The following PCDH15 variants were observed in gnomAD, a reference collection of about 807,000 sequenced individuals.
PCDH15 encodes protocadherin-15.
Under a neutral mutation model 178.5 loss-of-function variants are expected in PCDH15, and 129 were observed. The ratio of observed to expected loss-of-function variants is 0.72; its 90% CI spans 0.63 to 0.84. The LOEUF (loss-of-function observed/expected upper bound fraction) is 0.84. PCDH15 is among the 40% of genes least tolerant of loss of function. The probability of loss-of-function intolerance (pLI) is 0.00; values close to 1 mark genes in which losing one functional copy is unlikely to be tolerated. For missense variants in PCDH15, 2,230 were observed against 2,099.9 expected (o/e 1.06, Z -1.21); for synonymous variants, 800 against 732.0 (o/e 1.09, Z -1.50).
intron 2 of PCDH15, among the ~76,000 whole-genome samples, chr10:55,504,758 G>A (rs1485571841): frequency 6.6e-6 from 1 of 151,104 alleles, no homozygotes; most frequent in Admixed American, 6.6e-5. Flanking sequence ...TATCTGTATT[G>A]TATCTTACAT....
At chr10:54,899,081 A>T (rs936494258) in intron 2 of PCDH15, among the ~76,000 whole-genome samples, 2 of 152,102 alleles carry the variant, frequency 1.3e-5, no homozygotes, top group Non-Finnish European at 2.9e-5. Context: ...ATTGCCATTT[A>T]AAAAAAGTAT....
chr10:54,491,254 T>C (rs934755393), intron 3 of PCDH15, among the ~76,000 whole-genome samples: 2 of 150,498 alleles, frequency 1.3e-5, no homozygotes, highest in African/African-American at 4.9e-5. Context: ...TCTCTTCTCA[T>C]ATTTTAAATT....
chr10:54,894,808 G>C (rs947168573), intron 3 of PCDH15, among the ~76,000 whole-genome samples: 4 of 152,104 alleles, frequency 2.6e-5, no homozygotes. Flanking sequence ...CTTTGGGCCT[G>C]TATATAAGTA....
intron 13 of PCDH15, among the ~76,000 whole-genome samples, chr10:54,172,935 C>A (rs1020818236): frequency 6.6e-6 from 1 of 152,032 alleles, no homozygotes; most frequent in Non-Finnish European, 1.5e-5. Context: ...AATGAGTTTT[C>A]TTTAAAAAGC....
intron 3 of PCDH15, among the ~76,000 whole-genome samples, chr10:54,484,466 A>G (rs998960014): frequency 5.9e-5 from 9 of 151,958 alleles, no homozygotes; most frequent in Non-Finnish European, 8.8e-5. Context: ...TACTTAAAAG[A>G]AAATACTGTT....
At chr10:55,148,320 C>T (rs887939864) in intron 2 of PCDH15, among the ~76,000 whole-genome samples, 2 of 151,734 alleles carry the variant, frequency 1.3e-5, no homozygotes, top group African/African-American at 4.8e-5. Flanking sequence ...TATTAACTGG[C>T]CCAGAAGATA....
chr10:55,120,673 A>C (rs1169385034), intron 2 of PCDH15, among the ~76,000 whole-genome samples: 2 of 152,156 alleles, frequency 1.3e-5, no homozygotes, highest in Middle Eastern at 3.2e-3. Flanking sequence ...TAAATAAATA[A>C]AATAATAATC....
intron 2 of PCDH15, among the ~76,000 whole-genome samples, chr10:55,565,839 A>C (rs1188224750): frequency 6.6e-6 from 1 of 151,726 alleles, no homozygotes; most frequent in East Asian, 1.9e-4. Context: ...AGACTGAACC[A>C]CTAATAAAAT....
Position 55,328,948 on chromosome 10 carries a change from AT to A in PCDH15, c.-155-162298del, listed in dbSNP as rs1163246483. 1.5e-4 allele frequency among the ~76,000 whole-genome samples: 21 copies of A among 137,264 alleles called. 1 individual carries two copies. Among genetic ancestry groups the A allele is most frequent in the Admixed American group, 2.2e-4 (3 of 13,454 alleles). The allele number at this position is 137,264 out of a possible 152,430, so 90.1% of individuals were successfully genotyped here. The stretch of plus-strand genomic sequence containing the variant: ...TATATATATATATATATATATATAT[AT>A]AAAATATATAATATGGGGATGTACA... On this transcript the variant is annotated intron_variant, in intron 2 of 5. Transcript: ENST00000613346.
At chr10:54,657,838 CTA>C (rs1458601308) in intron 2 of PCDH15, among the ~76,000 whole-genome samples, 31 of 152,274 alleles carry the variant, frequency 2.0e-4, no homozygotes, top group African/African-American at 7.5e-4. Context: ...TACTTGCACT[CTA>C]ACCATAGATT....
In PCDH15 at chr10:54,165,093, T is replaced by C. The variant is rs139809728; in HGVS notation, c.1591-11800A>G. On this transcript the variant is annotated intron_variant, in intron 13 of 37. Transcript: ENST00000644397. ...CAATAACATTCAGGAAGTTCTTCAA[T>C]AACTCCTGCTGGCCAAGCAAATTGG... 1.2e-4 allele frequency among the ~76,000 whole-genome samples: 18 copies of C among 152,334 alleles called. 1 individual carries two copies. In the East Asian group the frequency reaches 3.5e-3, roughly 29 times the overall value.
intron 2 of PCDH15, among the ~76,000 whole-genome samples, chr10:55,443,467 G>T (rs899954524): frequency 6.6e-6 from 1 of 152,090 alleles, no homozygotes; most frequent in Non-Finnish European, 1.5e-5. Context: ...CAAAAAGTGG[G>T]CAAAGGTTAT....
chr10:54,201,420 T>C (rs2050218113), intron 10 of PCDH15, among the ~76,000 whole-genome samples: 1 of 151,860 alleles, frequency 6.6e-6, no homozygotes, highest in Admixed American at 6.6e-5. Context: ...ATATTTATAA[T>C]ATGTAAAAAT....
rs1173022015 is a variant in PCDH15, at chr10:55,334,238, ATATATGTG to A, written c.-155-167595_-155-167588del. On this transcript the variant is annotated intron_variant, in intron 2 of 5. Coordinates refer to the PCDH15 transcript ENST00000613346. ...GGGTGCTCCATATATATATATATAT[ATATATGTG>A]TGTGTGTGTGTGTGTGTGTGTGTGT... 7.7e-4 allele frequency among the ~76,000 whole-genome samples: 75 copies of A among 97,314 alleles called. No individual in the cohort carries two copies. In the South Asian group the frequency reaches 9.2e-3, roughly 12 times the overall value. The allele number at this position is 97,314 out of a possible 152,430, so 63.8% of individuals were successfully genotyped here.
chr10:54,165,836 G>A (rs1305669903), intron 13 of PCDH15, among the ~76,000 whole-genome samples: 1 of 152,122 alleles, frequency 6.6e-6, no homozygotes, highest in Non-Finnish European at 1.5e-5. Flanking sequence ...TGTACCAAAT[G>A]TCTGACTCCG....
intron 8 of PCDH15, among the ~76,000 whole-genome samples, chr10:54,312,745 A>T (rs2060989851): frequency 6.6e-6 from 1 of 152,104 alleles, no homozygotes; most frequent in South Asian, 2.1e-4. Context: ...TTAAAGTGCC[A>T]CAGCTGATGC....
intron 6 of PCDH15, among the ~76,000 whole-genome samples, chr10:54,334,812 C>T (rs1051723530): frequency 3.9e-5 from 6 of 152,126 alleles, no homozygotes; most frequent in East Asian, 3.9e-4. Context: ...TAGATAATTA[C>T]GATTTTCTCT....
intron 2 of PCDH15, among the ~76,000 whole-genome samples, chr10:54,567,474 T>C (rs540627984): frequency 2.6e-4 from 40 of 152,306 alleles, no homozygotes; most frequent in South Asian, 1.2e-3. Context: ...TATAGTTAAA[T>C]TATATCATTT....
chr10:54,281,530 G>T (rs1564855411), intron 8 of PCDH15, among the ~76,000 whole-genome samples: 1 of 151,772 alleles, frequency 6.6e-6, no homozygotes, highest in Non-Finnish European at 1.5e-5. Flanking sequence ...ATTATCTTAG[G>T]AATATTATCT....
Sources: gnomAD v4.1 joint callset for allele counts (sites outside exome capture counted in the v4.1 genomes callset) on GRCh38, gnomAD v4.1.1 for gene constraint, MANE v1.5 for transcripts, NCBI Gene and HGNC (gene_info 2026-07-23, HGNC 2026-07-21) for gene names.